SCG5: variants seen among roughly 807,000 people sequenced by gnomAD.
The protein encoded by SCG5 is secretogranin V.
SCG5 carries 18 observed loss-of-function variants against 25.7 expected under a neutral mutation model. That is an observed-to-expected ratio of 0.70 (90% confidence interval 0.48 to 1.04). The LOEUF is 1.04. SCG5 is among the 50% of genes least tolerant of loss of function. The probability of loss-of-function intolerance (pLI) is 0.00; values close to 1 mark genes in which losing one functional copy is unlikely to be tolerated. For synonymous variants in SCG5, 101 were observed against 91.7 expected (o/e 1.10, Z -0.58); for missense variants, 206 against 259.8 (o/e 0.79, Z 1.42).
Position 32,692,211 on chromosome 15 carries a change from G to A in SCG5, c.543+448G>A, listed in dbSNP as rs760185445. ...CCAGGAAATAACTTTGAAGGAATTCGGGAGCAAAAGATGAGATGAACAAAC... is the reference window on the plus strand; with the variant it reads ...CCAGGAAATAACTTTGAAGGAATTCAGGAGCAAAAGATGAGATGAACAAAC... On this transcript the variant is annotated intron_variant, in intron 5 of 5. Transcript: ENST00000300175. 2.5e-5 allele frequency: 25 copies of A among 999,068 alleles called. No homozygotes were observed. In the Admixed American group the frequency reaches 3.0e-4, roughly 12 times the overall value. The allele number at this position is 999,068 out of a possible 1,614,324, so 61.9% of individuals were successfully genotyped here. A position where few individuals can be genotyped will look rare whatever the true frequency, so the allele number is the denominator to read the frequency against.
intron 2 of SCG5, among the ~76,000 whole-genome samples, chr15:32,653,439 C>CTGGG (rs1369466151): frequency 6.6e-6 from 1 of 152,212 alleles, no homozygotes; most frequent in African/African-American, 2.4e-5. Flanking sequence ...GGGTTGGAGC[C>CTGGG]TGGGTAAGTC....
At chr15:32,679,692 T>G in intron 2 of SCG5, 74 bp from the exon 3 acceptor site, 6 of 1,500,856 alleles carry the variant, frequency 4.0e-6, no homozygotes, top group Non-Finnish European at 5.5e-6. Context: ...TTTTCCTGTG[T>G]GATATGCCTG....
intron 2 of SCG5, among the ~76,000 whole-genome samples, chr15:32,653,899 GA>G (rs2054072919): frequency 6.6e-6 from 1 of 152,142 alleles, no homozygotes; most frequent in African/African-American, 2.4e-5. Flanking sequence ...GGGTGTTGGG[GA>G]ATAAAATTAA....
intron 2 of SCG5, among the ~76,000 whole-genome samples, chr15:32,672,799 C>T (rs1201579619): frequency 2.0e-5 from 3 of 151,802 alleles, no homozygotes; most frequent in Non-Finnish European, 4.4e-5. Context: ...AACCTTTCCC[C>T]AGGTCTCACT....
intron 2 of SCG5, among the ~76,000 whole-genome samples, chr15:32,669,570 A>G (rs1279975779): frequency 2.0e-5 from 3 of 152,236 alleles, no homozygotes; most frequent in Non-Finnish European, 4.4e-5. Context: ...GTATAAAGAC[A>G]TGCTTAGCCT....
At chr15:32,663,861 A>C (rs1439156606) in intron 2 of SCG5, among the ~76,000 whole-genome samples, 2 of 152,146 alleles carry the variant, frequency 1.3e-5, no homozygotes, top group African/African-American at 4.8e-5. Flanking sequence ...CTCCCTTGTC[A>C]TTCGCCACAT....
At chr15:32,644,489 C>A (rs1450408614) in intron 2 of SCG5, among the ~76,000 whole-genome samples, 1 of 152,066 alleles carries the variant, frequency 6.6e-6, no homozygotes, top group Non-Finnish European at 1.5e-5. Context: ...TGAAGTTTTC[C>A]AAGTTTCTGG....
intron 2 of SCG5, among the ~76,000 whole-genome samples, chr15:32,657,671 T>TCAAAC (rs2054147109): frequency 6.6e-6 from 1 of 152,204 alleles, no homozygotes; most frequent in African/African-American, 2.4e-5. Context: ...GAGAACACAC[T>TCAAAC]GTCCTCTTGT....
At chr15:32,690,924 C>A (rs574066074) in intron 4 of SCG5, among the ~76,000 whole-genome samples, 1 of 144,866 alleles carries the variant, frequency 6.9e-6, no homozygotes, top group Non-Finnish European at 1.6e-5. Flanking sequence ...CAAGTAAAGC[C>A]CCCCCCCACC....
chr15:32,695,957 A>C (rs868411974), intron 5 of SCG5, among the ~76,000 whole-genome samples: 1 of 152,184 alleles, frequency 6.6e-6, no homozygotes, highest in African/African-American at 2.4e-5. Flanking sequence ...AGAGCTCTAT[A>C]GTTGTGTGAA....
intron 2 of SCG5, among the ~76,000 whole-genome samples, chr15:32,659,368 A>G (rs1367578918): frequency 2.0e-5 from 3 of 152,132 alleles, no homozygotes; most frequent in Non-Finnish European, 4.4e-5. Flanking sequence ...TCAGACACGG[A>G]CTTCTCATGG....
At chr15:32,667,057 C>G (rs1555434792) in intron 2 of SCG5, among the ~76,000 whole-genome samples, 1 of 152,104 alleles carries the variant, frequency 6.6e-6, no homozygotes, top group Non-Finnish European at 1.5e-5. Context: ...TTTGGCAATT[C>G]TTTATATCAA....
chr15:32,689,286 C>T (rs758672603), intron 4 of SCG5, among the ~76,000 whole-genome samples: 1 of 152,184 alleles, frequency 6.6e-6, no homozygotes, highest in Non-Finnish European at 1.5e-5. Flanking sequence ...GGTGTTCAAA[C>T]TGTCCTAAAT....
chr15:32,645,803 A>C (rs1260757044), intron 2 of SCG5, among the ~76,000 whole-genome samples: 1 of 152,154 alleles, frequency 6.6e-6, no homozygotes, highest in African/African-American at 2.4e-5. Flanking sequence ...CCTTGGAATA[A>C]TGTGCTTAAC....
At chr15:32,647,790 A>G (rs1487260851) in intron 2 of SCG5, among the ~76,000 whole-genome samples, 3 of 152,214 alleles carry the variant, frequency 2.0e-5, no homozygotes, top group Non-Finnish European at 4.4e-5. Flanking sequence ...TCCTTAAATA[A>G]ACAAATAAGT....
At chr15:32,677,215 T>A (rs1324640951) in intron 2 of SCG5, among the ~76,000 whole-genome samples, 1 of 152,130 alleles carries the variant, frequency 6.6e-6, no homozygotes, top group Non-Finnish European at 1.5e-5. Context: ...TACAAAGCAA[T>A]GAAATATAAT....
intron 2 of SCG5, among the ~76,000 whole-genome samples, chr15:32,655,722 A>G (rs2054106564): frequency 6.6e-6 from 1 of 152,228 alleles, no homozygotes; most frequent in African/African-American, 2.4e-5. Context: ...GAAAGAGGCC[A>G]GAGGAAGCTC....
intron 2 of SCG5, among the ~76,000 whole-genome samples, chr15:32,646,066 C>T (rs1036810372): frequency 6.6e-6 from 1 of 152,146 alleles, no homozygotes; most frequent in Admixed American, 6.5e-5. Flanking sequence ...CCGCCTGCCT[C>T]GGCCTCCCAG....
intron 2 of SCG5, among the ~76,000 whole-genome samples, chr15:32,666,821 G>A (rs1349856259): frequency 6.6e-6 from 1 of 152,202 alleles, no homozygotes; most frequent in Non-Finnish European, 1.5e-5. Context: ...ATACAGCTAA[G>A]GTGATGAGGC....
Sources: gnomAD v4.1 joint callset for allele counts (sites outside exome capture counted in the v4.1 genomes callset) on GRCh38, gnomAD v4.1.1 for gene constraint, MANE v1.5 for transcripts, NCBI Gene and HGNC (gene_info 2026-07-23, HGNC 2026-07-21) for gene names.